Variants in ABCC4 observed in about 807,000 individuals in gnomAD.
ABCC4 encodes ATP-binding cassette sub-family C member 4.
A neutral mutation model predicts 168.5 loss-of-function variants in ABCC4; 102 were observed. The observed-to-expected ratio is 0.61, with a 90% CI of 0.52 to 0.71. ABCC4 has a LOEUF of 0.71. Among genes scored for constraint, ABCC4 ranks in the 30% least tolerant of loss-of-function variants. ABCC4 has a pLI of 0.00. For synonymous variants in ABCC4, 617 were observed against 590.7 expected (o/e 1.04, Z -0.65); for missense variants, 1,402 against 1,605.8 (o/e 0.87, Z 2.17).
intron 29 of ABCC4, among the ~76,000 whole-genome samples, chr13:95,042,217 G>A (rs1019313403): frequency 4.6e-5 from 7 of 152,290 alleles, no homozygotes; most frequent in Admixed American, 3.3e-4. Context: ...CATTCATCCA[G>A]ATAGTCAGGT....
chr13:95,025,833 A>C (rs764133194), intron 30 of ABCC4, among the ~76,000 whole-genome samples: 18 of 152,120 alleles, frequency 1.2e-4, no homozygotes, highest in Non-Finnish European at 2.2e-4. Context: ...CAGAGATACA[A>C]AAATACAGGA....
intron 19 of ABCC4, among the ~76,000 whole-genome samples, chr13:95,124,713 G>GAAAAAAAAAAAAAAAAAAAAAAAAAAA (rs59665124): frequency 1.7e-5 from 1 of 59,210 alleles, no homozygotes; most frequent in Non-Finnish European, 2.7e-5. Context: ...TACTAAAAAC[G>GAAAAAAAAAAAAAAAAAAAAAAAAAAA]AAAAAAAAAA....
chr13:95,053,028 T>C (rs2032904776), intron 27 of ABCC4, 67 bp downstream of exon 27: 1 of 1,362,202 alleles, frequency 7.3e-7, no homozygotes, highest in Non-Finnish European at 1.1e-6. Context: ...TTTCCTGCAA[T>C]GCTGTAAAGG....
intron 20 of ABCC4, among the ~76,000 whole-genome samples, chr13:95,110,587 T>A (rs1296975785): frequency 6.6e-6 from 1 of 152,162 alleles, no homozygotes; most frequent in Non-Finnish European, 1.5e-5. Flanking sequence ...ATATTACAGG[T>A]AGGGTACCTA....
Position 95,218,971 on chromosome 13 carries a change from AAGAAAGAAAGAAAGAGTG to A in ABCC4, c.532-8208_532-8191del, listed in dbSNP as rs1333669710. On this transcript the variant is annotated intron_variant, in intron 4 of 30. Transcript: ENST00000645237. ...AAAGAAAGAAAGAAAGAAAGAAAGA[AAGAAAGAAAGAAAGAGTG>A]AGAAAGAAAGAAAGAGTGAGAAAGA... Among the ~76,000 whole-genome samples the A allele has an allele frequency of 8.7e-4, 34 of 39,026 alleles. No individual in the cohort carries two copies. In the Middle Eastern group the frequency reaches 0.025, roughly 29 times the overall value. The allele number at this position is 39,026 out of a possible 152,430, so 25.6% of individuals were successfully genotyped here. A position where few individuals can be genotyped will look rare whatever the true frequency, so the allele number is the denominator to read the frequency against.
chr13:95,287,829 T>C (rs2041297904), intron 1 of ABCC4, among the ~76,000 whole-genome samples: 2 of 151,778 alleles, frequency 1.3e-5, no homozygotes, highest in Admixed American at 1.3e-4. Flanking sequence ...GATCACGAAG[T>C]TAGGAGATCA....
chr13:95,041,142 T>G (rs1267847918), intron 29 of ABCC4, among the ~76,000 whole-genome samples: 1 of 152,236 alleles, frequency 6.6e-6, no homozygotes, highest in Non-Finnish European at 1.5e-5. Context: ...ATTTCTAATT[T>G]GTCTGTCTTG....
chr13:95,051,986 A>T (rs1398706405), intron 27 of ABCC4, among the ~76,000 whole-genome samples: 2 of 150,184 alleles, frequency 1.3e-5, no homozygotes, highest in African/African-American at 4.9e-5. Context: ...TTATTTATTT[A>T]TTTATTTATT....
intron 4 of ABCC4, among the ~76,000 whole-genome samples, chr13:95,213,878 C>T (rs1398384770): frequency 6.6e-6 from 1 of 151,914 alleles, no homozygotes; most frequent in Non-Finnish European, 1.5e-5. Flanking sequence ...TCATAATGTT[C>T]AACATAGTAA....
intron 20 of ABCC4, among the ~76,000 whole-genome samples, chr13:95,092,465 TC>T (rs2034465579): frequency 6.6e-6 from 1 of 152,102 alleles, no homozygotes; most frequent in Admixed American, 6.6e-5. Flanking sequence ...AATAATCTGC[TC>T]CTGAATGAGC....
intron 9 of ABCC4, among the ~76,000 whole-genome samples, chr13:95,193,074 A>G (rs2139639129): frequency 6.6e-6 from 1 of 152,364 alleles, no homozygotes; most frequent in East Asian, 1.9e-4. Flanking sequence ...AGATGGCAGA[A>G]ATTACATCAG....
intron 26 of ABCC4, among the ~76,000 whole-genome samples, chr13:95,057,242 C>T (rs2033096222): frequency 6.8e-6 from 1 of 146,546 alleles, no homozygotes; most frequent in Non-Finnish European, 1.5e-5. Flanking sequence ...CTTAAGAATT[C>T]AGTATTTTTT....
chr13:95,161,045 T>C, intron 19 of ABCC4, 144 bp downstream of exon 19: 1 of 288,770 alleles, frequency 3.5e-6, no homozygotes, highest in Non-Finnish European at 5.3e-6. Flanking sequence ...AAAATATCAG[T>C]GAAGTTTCTT....
At chr13:95,292,036 G>A (rs1159693509) in intron 1 of ABCC4, among the ~76,000 whole-genome samples, 1 of 152,112 alleles carries the variant, frequency 6.6e-6, no homozygotes, top group Non-Finnish European at 1.5e-5. Context: ...TGAATGTGTA[G>A]CAGGCATCTC....
chr13:95,237,110 G>C (rs1594354954), intron 3 of ABCC4, among the ~76,000 whole-genome samples: 1 of 152,146 alleles, frequency 6.6e-6, no homozygotes, highest in Non-Finnish European at 1.5e-5. Context: ...CGGCAAGAGG[G>C]ATGACCCCCA....
At chr13:95,097,625 C>T (rs1218376503) in intron 20 of ABCC4, among the ~76,000 whole-genome samples, 2 of 112,460 alleles carry the variant, frequency 1.8e-5, no homozygotes, top group Non-Finnish European at 3.4e-5. Flanking sequence ...TTCAAATGCA[C>T]AGGGGACCGT....
intron 29 of ABCC4, among the ~76,000 whole-genome samples, chr13:95,038,533 T>C (rs2032223059): frequency 6.6e-6 from 1 of 151,782 alleles, no homozygotes; most frequent in Non-Finnish European, 1.5e-5. Context: ...AACTGGGCCT[T>C]GAGGAATGGA....
intron 4 of ABCC4, among the ~76,000 whole-genome samples, chr13:95,218,043 A>C (rs1236445636): frequency 6.6e-6 from 1 of 152,206 alleles, no homozygotes; most frequent in Admixed American, 6.5e-5. Flanking sequence ...AAACGTTCTG[A>C]ATAAGCATAT....
At chr13:95,298,227 T>G (rs1043726774) in intron 1 of ABCC4, among the ~76,000 whole-genome samples, 1 of 152,108 alleles carries the variant, frequency 6.6e-6, no homozygotes, top group African/African-American at 2.4e-5. Flanking sequence ...AGGCAGAGGT[T>G]GCAGTGAGCA....
Sources: gnomAD v4.1 joint callset for allele counts (sites outside exome capture counted in the v4.1 genomes callset) on GRCh38, gnomAD v4.1.1 for gene constraint, MANE v1.5 for transcripts, NCBI Gene and HGNC (gene_info 2026-07-23, HGNC 2026-07-21) for gene names.